SLC9C2: variants seen among roughly 807,000 people sequenced by gnomAD.
The protein encoded by SLC9C2 is sodium/hydrogen exchanger 11.
SLC9C2 carries 75 observed loss-of-function variants against 140.2 expected under a neutral mutation model. That is an observed-to-expected ratio of 0.53 (90% CI 0.44 to 0.65). The LOEUF (loss-of-function observed/expected upper bound fraction) is 0.65. Ranked by LOEUF, SLC9C2 falls within the 30% of genes least tolerant of loss-of-function variation. The probability of loss-of-function intolerance (pLI) is 0.00; values close to 1 mark genes in which losing one functional copy is unlikely to be tolerated. For synonymous variants in SLC9C2, 375 were observed against 420.9 expected, an observed-to-expected ratio of 0.89 and a Z score of 1.34; for missense variants, 1,074 against 1,331.8, an observed-to-expected ratio of 0.81 and a Z score of 3.01.
At chr1:173,561,680 G>A (rs751983426) in intron 9 of SLC9C2, among the ~76,000 whole-genome samples, 1 of 152,100 alleles carries the variant, frequency 6.6e-6, no homozygotes, top group South Asian at 2.1e-4. Flanking sequence ...CCCTGTCCAG[G>A]TGACAGCCTT....
chr1:173,586,794 C>T (rs1027350058), intron 5 of SLC9C2, among the ~76,000 whole-genome samples: 1 of 152,122 alleles, frequency 6.6e-6, no homozygotes, highest in Non-Finnish European at 1.5e-5. Flanking sequence ...AAACCAAACA[C>T]CACATGTTCT....
chr1:173,593,248 G>A lies in SLC9C2; in HGVS notation c.357+4656C>T, dbSNP rs371224579. On this transcript the variant is annotated intron_variant, in intron 4 of 27. Coordinates refer to ENST00000367714, the MANE Select transcript of SLC9C2 (RefSeq NM_178527.4). ...ATATCAATAATAACCTTGGCCTGGCGCGGTGGCTTATGCCTGTAATCCCAG... is the reference window on the plus strand; with the variant it reads ...ATATCAATAATAACCTTGGCCTGGCACGGTGGCTTATGCCTGTAATCCCAG... Among the ~76,000 whole-genome samples the A allele has an allele frequency of 2.1e-3, 324 of 152,226 alleles. 5 individuals are homozygous for A. In the South Asian group the frequency reaches 0.023, roughly 11 times the overall value.
intron 14 of SLC9C2, 116 bp from the exon 15 acceptor site, chr1:173,536,065 C>T (rs756937124): frequency 1.1e-5 from 10 of 901,290 alleles, no homozygotes; most frequent in Non-Finnish European, 1.6e-5. Flanking sequence ...ACCAAATAAG[C>T]TCAGTCTCAT....
At chr1:173,592,140 T>C (rs1287884617) in intron 4 of SLC9C2, among the ~76,000 whole-genome samples, 1 of 152,226 alleles carries the variant, frequency 6.6e-6, no homozygotes, top group African/African-American at 2.4e-5. Context: ...TACCCATTGT[T>C]TGTTTTTATC....
At chr1:173,524,701 A>T in intron 20 of SLC9C2, 78 bp downstream of exon 20, 1 of 1,500,782 alleles carries the variant, frequency 6.7e-7, no homozygotes, top group Non-Finnish European at 9.0e-7. Flanking sequence ...CAATTTTTTC[A>T]ATCTCCCTCC....
chr1:173,550,057 T>A (rs1343207289), intron 11 of SLC9C2, among the ~76,000 whole-genome samples: 1 of 152,208 alleles, frequency 6.6e-6, no homozygotes, highest in African/African-American at 2.4e-5. Context: ...ACTTCACTCA[T>A]GCTGCCTTGT....
intron 13 of SLC9C2, among the ~76,000 whole-genome samples, chr1:173,542,997 A>G (rs948087182): frequency 2.0e-5 from 3 of 152,196 alleles, no homozygotes; most frequent in Non-Finnish European, 4.4e-5. Context: ...TAGTGTTGGA[A>G]GTTCTGGCCA....
rs200611021 is a variant in SLC9C2, at chr1:173,583,481, A to C, written c.640+25T>G. 131 of 1,290,238 alleles carry C rather than the reference A, an allele frequency of 1.0e-4. 2 individuals carry two copies. The highest frequency in any genetic ancestry group is 7.6e-4 in the East Asian group (33 of 43,274). The allele number at this position is 1,290,238 out of a possible 1,614,324, so 79.9% of individuals were successfully genotyped here. On this transcript the variant is annotated intron_variant, in intron 6 of 27. Transcript: ENST00000367714. ...ATTTTAATGAGAATGATTTTAGAAA[A>C]TATACAGACAAAAAATGCTCCTACC...
chr1:173,549,778 TAAA>T (rs1262183240), intron 11 of SLC9C2, among the ~76,000 whole-genome samples: 1 of 152,100 alleles, frequency 6.6e-6, no homozygotes, highest in Admixed American at 6.5e-5. Flanking sequence ...CACAGTGAGT[TAAA>T]AGAAATTCTG....
At chr1:173,555,860 G>T (rs886126003) in intron 10 of SLC9C2, among the ~76,000 whole-genome samples, 1 of 152,104 alleles carries the variant, frequency 6.6e-6, no homozygotes, top group Non-Finnish European at 1.5e-5. Flanking sequence ...GGCACGTGAG[G>T]TCTTTCCCTC....
At chr1:173,591,684 G>T (rs1268236999) in intron 4 of SLC9C2, among the ~76,000 whole-genome samples, 1 of 152,042 alleles carries the variant, frequency 6.6e-6, no homozygotes, top group Non-Finnish European at 1.5e-5. Flanking sequence ...CTTTTGAAGG[G>T]TGTCTGTTTT....
intron 21 of SLC9C2, 78 bp from the exon 22 acceptor site, chr1:173,521,477 CTATATA>C (rs146332693): frequency 0.53 from 135,291 of 254,432 alleles, 37,906 homozygotes; most frequent in East Asian, 0.92. Flanking sequence ...TAAATATTTT[CTATATA>C]TATATATATA....
chr1:173,514,014 G>T (rs975673979), intron 23 of SLC9C2, among the ~76,000 whole-genome samples: 10 of 152,184 alleles, frequency 6.6e-5, no homozygotes, highest in Non-Finnish European at 1.3e-4. Context: ...TTGCACTGTG[G>T]TCTGAGAGAC....
intron 3 of SLC9C2, among the ~76,000 whole-genome samples, chr1:173,598,407 G>T (rs1194533529): frequency 6.6e-6 from 1 of 152,180 alleles, no homozygotes; most frequent in African/African-American, 2.4e-5. Flanking sequence ...TGCTTTAGAT[G>T]AGGGAAAGAA....
chr1:173,508,979 G>A (rs949833752), intron 24 of SLC9C2, among the ~76,000 whole-genome samples: 1 of 143,634 alleles, frequency 7.0e-6, no homozygotes, highest in African/African-American at 3.0e-5. Context: ...TTAACACTAT[G>A]CTTGGTTCAG....
intron 9 of SLC9C2, 86 bp from the exon 10 acceptor site, chr1:173,557,594 T>C: frequency 7.8e-7 from 1 of 1,284,524 alleles, no homozygotes; most frequent in African/African-American, 1.5e-5. Context: ...ATACTAAATT[T>C]AATATAAAAA....
At chr1:173,573,483 G>A (rs1270846794) in intron 8 of SLC9C2, among the ~76,000 whole-genome samples, 158 bp from the exon 9 acceptor site, 1 of 152,084 alleles carries the variant, frequency 6.6e-6, no homozygotes, top group Non-Finnish European at 1.5e-5. Context: ...AATTTTGTTG[G>A]ATCTAAAAGC....
intron 17 of SLC9C2, among the ~76,000 whole-genome samples, chr1:173,530,684 G>A (rs1344113447): frequency 6.6e-6 from 1 of 152,138 alleles, no homozygotes; most frequent in Non-Finnish European, 1.5e-5. Flanking sequence ...GTTTCCTCAT[G>A]TGTAAAATGA....
Position 173,554,809 on chromosome 1 carries a change from T to A in SLC9C2, c.1221A>T (p.Ile407=). The change falls in exon 11 of 28, where the codon ATA becomes ATT. Residue 407 remains isoleucine (I), a synonymous_variant. Transcript: ENST00000367714. ...ATAATGATATTACTTGTACATAGAG[T>A]ATAAACTAAAAACAAAGCACATAAA... ...ERKVEVPQMF[I]LYVQVISLLT... 1 of 1,570,794 alleles carries A rather than the reference T, an allele frequency of 6.4e-7. No homozygotes were observed.
Sources: allele counts gnomAD v4.1 joint callset (sites outside exome capture counted in the v4.1 genomes callset), GRCh38; gene constraint gnomAD v4.1.1; transcripts MANE v1.5; gene names NCBI Gene and HGNC (gene_info 2026-07-23, HGNC 2026-07-21).